The following MIPOL1 variants were observed in gnomAD, a reference collection of about 807,000 sequenced individuals.
MIPOL1 encodes mirror-image polydactyly 1, also known as mirror-image polydactyly gene 1 protein.
In MIPOL1, 57 loss-of-function variants were observed where a neutral mutation model predicts 60.9. The ratio of observed to expected loss-of-function variants is 0.94; its 90% CI spans 0.76 to 1.17. MIPOL1 has a LOEUF of 1.17. Ranked by LOEUF, MIPOL1 falls within the 50% of genes most tolerant of loss-of-function variation. MIPOL1 has a pLI of 0.00. For missense variants in MIPOL1, 551 were observed against 511.6 expected (o/e 1.08, Z -0.74); for synonymous variants, 179 against 168.8 (o/e 1.06, Z -0.47).
At chr14:37,213,584 C>T (rs893600847) in intron 1 of MIPOL1, among the ~76,000 whole-genome samples, 1 of 151,954 alleles carries the variant, frequency 6.6e-6, no homozygotes, top group African/African-American at 2.4e-5. Flanking sequence ...AGAAAATAGC[C>T]TCAAAGGGCA....
chr14:37,527,624 T>C (rs1409401387), intron 12 of MIPOL1, among the ~76,000 whole-genome samples: 1 of 152,098 alleles, frequency 6.6e-6, no homozygotes, highest in African/African-American at 2.4e-5. Flanking sequence ...TTGGGTTCAT[T>C]TGAATGTGAG....
chr14:37,270,423 C>T lies in MIPOL1; in HGVS notation c.391C>T (p.Gln131Ter), dbSNP rs765900575. The T allele has an allele frequency of 1.9e-6, 3 of 1,541,972 alleles. No individual in the cohort carries two copies. The Admixed American group carries it at 5.6e-5, about 29-fold the overall frequency. The change falls in exon 6 of 13, where the codon CAG becomes TAG. Residue 131 changes from glutamine (Q) to a stop codon, truncating the protein, a stop_gained. Transcript: ENST00000684589. LOFTEE classifies it high-confidence loss of function. Reference sequence around the variant, plus strand: ...GATTTTTTTCAATGTGCTTTAGCTTCAGCAGAAATTGGCTAAAGAAGATAA... The same window carrying T: ...GATTTTTTTCAATGTGCTTTAGCTTTAGCAGAAATTGGCTAAAGAAGATAA... ...DILRTSNKKL[Q>*]QKLAKEDKEQ...
intron 9 of MIPOL1, among the ~76,000 whole-genome samples, chr14:37,327,498 A>G (rs973218913): frequency 6.6e-6 from 1 of 152,064 alleles, no homozygotes; most frequent in Non-Finnish European, 1.5e-5. Flanking sequence ...ATGTTGCCCA[A>G]GCTGGTCTCG....
rs111870805 is a variant in MIPOL1 at position 37,490,470 on chromosome 14, G to T, written c.1032-9438G>T. ...TCCAGGGGAGTGAACGGTCTGTCTT[G>T]CTGACATTCCAGGTGCCACCGGGGT... On this transcript the variant is annotated intron_variant, in intron 11 of 12. Coordinates refer to ENST00000684589, the MANE Select transcript of MIPOL1 (RefSeq NM_001388067.1). Among the ~76,000 whole-genome samples the T allele has an allele frequency of 7.2e-5, 11 of 152,176 alleles. 1 individual carries two copies. The highest frequency in any genetic ancestry group is 2.6e-4 in the African/African-American group (11 of 41,510).
At chr14:37,294,652 G>C (rs1467089237) in intron 7 of MIPOL1, among the ~76,000 whole-genome samples, 1 of 152,118 alleles carries the variant, frequency 6.6e-6, no homozygotes, top group African/African-American at 2.4e-5. Flanking sequence ...CGAGAACTAC[G>C]TGATGAATGC....
intron 9 of MIPOL1, among the ~76,000 whole-genome samples, chr14:37,345,574 T>C (rs1394957281): frequency 2.6e-5 from 4 of 152,222 alleles, no homozygotes; most frequent in African/African-American, 9.6e-5. Flanking sequence ...AGTTTCTTGG[T>C]ATCTGCTATG....
intron 10 of MIPOL1, among the ~76,000 whole-genome samples, chr14:37,394,111 T>G (rs1360386385): frequency 7.1e-6 from 1 of 141,606 alleles, no homozygotes; most frequent in Non-Finnish European, 1.5e-5. Context: ...TATATATATA[T>G]CCACAGTTTG....
chr14:37,198,844 C>T (rs1272490021), intron 1 of MIPOL1, among the ~76,000 whole-genome samples: 1 of 151,932 alleles, frequency 6.6e-6, no homozygotes, highest in Non-Finnish European at 1.5e-5. Flanking sequence ...TCTTTTCTTC[C>T]CCAGATAACT....
chr14:37,258,738 T>G (rs1975378105), intron 3 of MIPOL1, among the ~76,000 whole-genome samples: 1 of 152,110 alleles, frequency 6.6e-6, no homozygotes, highest in African/African-American at 2.4e-5. Flanking sequence ...TGATAGAATT[T>G]CACAAAATAC....
At chr14:37,521,920 T>TTC (rs398024815) in intron 12 of MIPOL1, among the ~76,000 whole-genome samples, 44 of 142,528 alleles carry the variant, frequency 3.1e-4, no homozygotes, top group African/African-American at 1.1e-3. Flanking sequence ...ATTTTTTTTT[T>TTC]CTTTGGCTTC....
chr14:37,257,717 C>T (rs1392511250), intron 3 of MIPOL1, among the ~76,000 whole-genome samples: 2 of 152,004 alleles, frequency 1.3e-5, no homozygotes, highest in Non-Finnish European at 2.9e-5. Context: ...ATTCAGTCAG[C>T]GCTGTGGAGA....
intron 5 of MIPOL1, among the ~76,000 whole-genome samples, chr14:37,269,746 G>A (rs1217464861): frequency 6.6e-6 from 1 of 152,094 alleles, no homozygotes; most frequent in African/African-American, 2.4e-5. Context: ...AGTGCTATCT[G>A]TTATTTTATT....
intron 9 of MIPOL1, among the ~76,000 whole-genome samples, chr14:37,347,126 G>A (rs993504828): frequency 6.6e-6 from 1 of 151,996 alleles, no homozygotes; most frequent in Non-Finnish European, 1.5e-5. Flanking sequence ...CTAAAGATGG[G>A]CAAAGTGAAA....
chr14:37,508,775 A>G (rs1467179028), intron 12 of MIPOL1, among the ~76,000 whole-genome samples: 1 of 152,162 alleles, frequency 6.6e-6, no homozygotes, highest in African/African-American at 2.4e-5. Flanking sequence ...CTGCCTTTTC[A>G]GGACTAAATG....
In MIPOL1 at chr14:37,302,268, T is replaced by G. The variant is rs978324380; in HGVS notation, c.624-5788T>G. ...ACAAGCATTTGGAACTGTTGTTTTT[T>G]TTTTTTTTTTTTTTCTTGTTTTGGA... On this transcript the variant is annotated intron_variant, in intron 7 of 12. Transcript: ENST00000684589. Among the ~76,000 whole-genome samples, 851 of 148,202 alleles carry G rather than the reference T, an allele frequency of 5.7e-3. 6 individuals carry two copies. The highest frequency in any genetic ancestry group is 0.019 in the African/African-American group (779 of 40,546).
chr14:37,263,225 A>G (rs1295635526), intron 3 of MIPOL1, among the ~76,000 whole-genome samples: 1 of 152,142 alleles, frequency 6.6e-6, no homozygotes, highest in African/African-American at 2.4e-5. Context: ...AACAATACTG[A>G]CACCTCCAGA....
intron 10 of MIPOL1, among the ~76,000 whole-genome samples, chr14:37,383,813 TTTATATC>T (rs773061660): frequency 5.3e-5 from 8 of 151,896 alleles, no homozygotes; most frequent in African/African-American, 7.2e-5. Context: ...AAGCAAATGT[TTTATATC>T]TTATATTTTT....
chr14:37,511,051 C>T lies in MIPOL1; in HGVS notation c.1262+10913C>T, dbSNP rs146271515. ...GTAGAGACTATCTACTATTGCTATT[C>T]ATAGAATTATAAATTTATTTTCTTC... On this transcript the variant is annotated intron_variant, in intron 12 of 12. Coordinates refer to ENST00000684589, the MANE Select transcript of MIPOL1 (RefSeq NM_001388067.1). 8.5e-3 allele frequency among the ~76,000 whole-genome samples: 1,290 copies of T among 152,134 alleles called. 20 individuals carry two copies. The highest frequency in any genetic ancestry group is 0.028 in the African/African-American group (1,182 of 41,512).
rs1349022378 is a variant in MIPOL1, at chr14:37,345,147, G to A, written c.829-24370G>A. On this transcript the variant is annotated intron_variant, in intron 9 of 12. Coordinates refer to ENST00000684589, the MANE Select transcript of MIPOL1 (RefSeq NM_001388067.1). ...GGGTCTTGCTTTGTCACCAAGGCTGGAGTACAGTCATACAGACTGGAGTGC... is the reference window on the plus strand; with the variant it reads ...GGGTCTTGCTTTGTCACCAAGGCTGAAGTACAGTCATACAGACTGGAGTGC... 2.0e-5 allele frequency among the ~76,000 whole-genome samples: 3 copies of A among 152,136 alleles called. No homozygotes were observed. The East Asian group carries it at 5.8e-4, about 29-fold the overall frequency.
Sources: gnomAD v4.1 joint callset for allele counts (sites outside exome capture counted in the v4.1 genomes callset) on GRCh38, gnomAD v4.1.1 for gene constraint, MANE v1.5 for transcripts, NCBI Gene and HGNC (gene_info 2026-07-23, HGNC 2026-07-21) for gene names.